Variants in RTN4IP1 observed in about 807,000 individuals in gnomAD.
RTN4IP1 encodes reticulon 4 interacting protein 1.
In RTN4IP1, 32 loss-of-function variants were observed where a neutral mutation model predicts 46.6. The observed-to-expected ratio is 0.69, with a 90% CI of 0.52 to 0.92. The LOEUF (loss-of-function observed/expected upper bound fraction) is 0.92, where lower values mean the gene tolerates loss of function less well. Among genes scored for constraint, RTN4IP1 ranks in the 40% least tolerant of loss-of-function variants. The pLI is 0.00. For missense variants in RTN4IP1, 424 were observed against 485.8 expected (o/e 0.87, Z 1.20); for synonymous variants, 167 against 161.8 (o/e 1.03, Z -0.24).
Position 106,625,048 on chromosome 6 carries a change from T to TTGA in RTN4IP1, c.275-2080_275-2079insTCA, listed in dbSNP as rs1776602695. 2.6e-5 allele frequency among the ~76,000 whole-genome samples: 4 copies of TTGA among 152,166 alleles called. No homozygotes were observed. In the South Asian group the frequency reaches 6.2e-4, roughly 24 times the overall value. On this transcript the variant is annotated intron_variant, in intron 1 of 8. Transcript: ENST00000369063. The stretch of plus-strand genomic sequence containing the variant: ...AATTTTTTGGTTCAAGTAAATTTGC[T>TTGA]ACTCTATAATAATCCAGAGTAATTT...
chr6:106,583,678 T>A, intron 7 of RTN4IP1: 2 of 386,698 alleles, frequency 5.2e-6, no homozygotes, highest in Non-Finnish European at 9.8e-6. Context: ...GAAGAACAAG[T>A]AAGCACAGGA....
At chr6:106,591,024 G>C (rs2114640211) in intron 6 of RTN4IP1, among the ~76,000 whole-genome samples, 1 of 152,276 alleles carries the variant, frequency 6.6e-6, no homozygotes, top group South Asian at 2.1e-4. Context: ...CACTCTTCCA[G>C]CTGGAGGGAT....
At chr6:106,621,591 G>A (rs1776488805) in intron 2 of RTN4IP1, 98 bp from the exon 3 acceptor site, 5 of 903,444 alleles carry the variant, frequency 5.5e-6, no homozygotes, top group Non-Finnish European at 9.1e-6. Context: ...CCTGTGCTGT[G>A]AAAAACACAG....
At chr6:106,581,173 C>T (rs75996337) in intron 8 of RTN4IP1, among the ~76,000 whole-genome samples, 1 of 152,266 alleles carries the variant, frequency 6.6e-6, no homozygotes, top group Non-Finnish European at 1.5e-5. Context: ...CAAAAGAAGA[C>T]TTCTTGAAAT....
At chr6:106,599,883 G>A (rs1179274806) in intron 5 of RTN4IP1, among the ~76,000 whole-genome samples, 1 of 149,990 alleles carries the variant, frequency 6.7e-6, no homozygotes, top group East Asian at 1.9e-4. Flanking sequence ...ACATTTAGTA[G>A]ATGCCAAATG....
chr6:106,593,740 C>CTTA (rs920197264), intron 5 of RTN4IP1, among the ~76,000 whole-genome samples: 1 of 152,182 alleles, frequency 6.6e-6, no homozygotes, highest in Non-Finnish European at 1.5e-5. Context: ...TGACCAAAGA[C>CTTA]TTATATATCC....
At chr6:106,624,930 T>C (rs1300018117) in intron 1 of RTN4IP1, among the ~76,000 whole-genome samples, 3 of 120,686 alleles carry the variant, frequency 2.5e-5, no homozygotes, top group Non-Finnish European at 4.9e-5. Flanking sequence ...AGCAAAGCTC[T>C]GTCTCAAAAA....
At chr6:106,624,180 C>T (rs867538513) in intron 1 of RTN4IP1, among the ~76,000 whole-genome samples, 2 of 151,980 alleles carry the variant, frequency 1.3e-5, no homozygotes, top group Non-Finnish European at 2.9e-5. Flanking sequence ...CTCAGCCTCC[C>T]GAGTAGCTGG....
Position 106,619,186 on chromosome 6 carries a change from T to C in RTN4IP1, c.620+16A>G. The C allele has an allele frequency of 1.9e-6, 3 of 1,613,686 alleles. No homozygotes were observed. Among genetic ancestry groups the C allele is most frequent in the Non-Finnish European group, 2.5e-6 (3 of 1,179,766 alleles). ...AGAAAAGAGGTTTAGATGCTGCCAC[T>C]GACTGATACACTTACCGTTTTCCTG... On this transcript the variant is annotated intron_variant, in intron 4 of 8. Transcript: ENST00000369063.
At chr6:106,625,275 C>T (rs955150374) in intron 1 of RTN4IP1, among the ~76,000 whole-genome samples, 3 of 151,978 alleles carry the variant, frequency 2.0e-5, no homozygotes, top group South Asian at 2.1e-4. Flanking sequence ...CCACTCTGTA[C>T]GTCTCCCCTT....
chr6:106,629,017 T>G lies in RTN4IP1; in HGVS notation c.5A>C (p.Glu2Ala), dbSNP rs138612238. 1.7e-4 allele frequency: 270 copies of G among 1,609,646 alleles called. No individual in the cohort carries two copies. In the African/African-American group the frequency reaches 3.3e-3, roughly 20 times the overall value. Residue 2 changes from glutamate (E) to alanine (A), a missense_variant, in exon 1 of 9, where the codon GAA becomes GCA. Transcript: ENST00000369063. Reference sequence around the variant, plus strand: ...TCTAAGTACACAAGTCTTCAGAAATTCCATTGTAAACACTGGTTGAACTGC... The same window carrying G: ...TCTAAGTACACAAGTCTTCAGAAATGCCATTGTAAACACTGGTTGAACTGC... M[E>A]FLKTCVLRRN...
intron 6 of RTN4IP1, among the ~76,000 whole-genome samples, chr6:106,588,190 C>A (rs1188902683): frequency 6.6e-6 from 1 of 150,586 alleles, no homozygotes; most frequent in African/African-American, 2.4e-5. Flanking sequence ...CACAGAATAG[C>A]CCCTCACAAG....
intron 8 of RTN4IP1, among the ~76,000 whole-genome samples, chr6:106,573,556 G>A (rs980788730): frequency 5.3e-5 from 8 of 152,226 alleles, no homozygotes; most frequent in Non-Finnish European, 1.2e-4. Flanking sequence ...GCCAGGCACT[G>A]TTTTAGGGGC....
chr6:106,573,665 T>C (rs1470929296), intron 8 of RTN4IP1, among the ~76,000 whole-genome samples: 1 of 152,210 alleles, frequency 6.6e-6, no homozygotes, highest in African/African-American at 2.4e-5. Flanking sequence ...CAGAGTTAAA[T>C]AAGTTGCCCT....
rs34520457 is a variant in RTN4IP1 at position 106,610,603 on chromosome 6, T to C, written c.621-7681A>G. ...GAATCTCACTGAAGTAGAAGCCTAT[T>C]TGTGATAGTGAAGAAACGTGTGCTG... On this transcript the variant is annotated intron_variant, in intron 4 of 8. Transcript: ENST00000369063. Among the ~76,000 whole-genome samples the C allele has an allele frequency of 4.5e-3, 687 of 152,352 alleles. 1 individual carries two copies. The highest frequency in any genetic ancestry group is 7.0e-3 in the Non-Finnish European group (474 of 68,034).
chr6:106,581,482 C>A (rs1775369320), intron 8 of RTN4IP1, among the ~76,000 whole-genome samples: 1 of 152,176 alleles, frequency 6.6e-6, no homozygotes, highest in Non-Finnish European at 1.5e-5. Flanking sequence ...CACATCCACA[C>A]AGAAGCAAGG....
rs545602576 is a variant in RTN4IP1 at position 106,620,191 on chromosome 6, G to A, written c.496-865C>T. On this transcript the variant is annotated intron_variant, in intron 3 of 8. Coordinates refer to ENST00000369063, the MANE Select transcript of RTN4IP1 (RefSeq NM_032730.5). ...GCAACCTCTGCTCACTGCAACCTCC[G>A]CCTCCCAGGTTTAAGCGATTCTCCT... 7.9e-5 allele frequency among the ~76,000 whole-genome samples: 12 copies of A among 151,926 alleles called. No individual in the cohort carries two copies. In the South Asian group the frequency reaches 2.1e-3, roughly 26 times the overall value.
At chr6:106,616,504 A>G (rs1776361223) in intron 4 of RTN4IP1, among the ~76,000 whole-genome samples, 1 of 152,104 alleles carries the variant, frequency 6.6e-6, no homozygotes, top group Non-Finnish European at 1.5e-5. Context: ...GAAAAAAAAG[A>G]TGATTCATCT....
intron 8 of RTN4IP1, among the ~76,000 whole-genome samples, chr6:106,573,292 C>G (rs1775128241): frequency 1.3e-5 from 2 of 152,210 alleles, no homozygotes; most frequent in African/African-American, 4.8e-5. Flanking sequence ...CACTGGCAGG[C>G]ATAAGTTATC....
Sources: allele counts gnomAD v4.1 joint callset (sites outside exome capture counted in the v4.1 genomes callset), GRCh38; gene constraint gnomAD v4.1.1; transcripts MANE v1.5; gene names NCBI Gene and HGNC (gene_info 2026-07-23, HGNC 2026-07-21).